Variants in KHDRBS2 observed in about 807,000 individuals in gnomAD.
KHDRBS2 encodes the protein KH domain-containing, RNA-binding, signal transduction-associated protein 2.
KHDRBS2 carries 26 observed loss-of-function variants against 44.3 expected under a neutral mutation model. That is an observed-to-expected ratio of 0.59 (90% CI 0.43 to 0.81). KHDRBS2 has a LOEUF of 0.81. Among genes scored for constraint, KHDRBS2 ranks in the 40% least tolerant of loss-of-function variants. KHDRBS2 has a pLI of 0.00. For synonymous variants in KHDRBS2, 194 were observed against 151.1 expected (o/e 1.28, Z -2.08); for missense variants, 476 against 433.1 (o/e 1.10, Z -0.88).
intron 6 of KHDRBS2, among the ~76,000 whole-genome samples, chr6:61,821,873 G>A (rs1167686268): frequency 1.3e-5 from 2 of 151,882 alleles, no homozygotes; most frequent in African/African-American, 2.4e-5. Flanking sequence ...GGTGTCTGAA[G>A]TTGTTTAAGG....
At chr6:61,754,979 A>G (rs1778274999) in intron 6 of KHDRBS2, among the ~76,000 whole-genome samples, 1 of 152,170 alleles carries the variant, frequency 6.6e-6, no homozygotes, top group Admixed American at 6.5e-5. Flanking sequence ...TTATAATAGA[A>G]TCTAGTAAAA....
intron 7 of KHDRBS2, among the ~76,000 whole-genome samples, chr6:61,731,603 T>TG (rs1330803634): frequency 3.9e-5 from 6 of 152,102 alleles, no homozygotes; most frequent in Non-Finnish European, 8.8e-5. Context: ...TTTTCTTCTT[T>TG]GCCACCTCAA....
chr6:61,550,864 C>T, the KHDRBS2 span, among the ~76,000 whole-genome samples: 1 of 150,594 alleles, frequency 6.6e-6, no homozygotes, highest in African/African-American at 2.4e-5. Context: ...CCTCCACCTC[C>T]TGGGTTCAAG....
chr6:62,239,952 T>C (rs1834332858), intron 1 of KHDRBS2, among the ~76,000 whole-genome samples: 1 of 152,158 alleles, frequency 6.6e-6, no homozygotes, highest in African/African-American at 2.4e-5. Context: ...CCCAAAGTGC[T>C]GGGATTACAG....
At chr6:61,587,113 C>T in the KHDRBS2 span, among the ~76,000 whole-genome samples, 1 of 152,200 alleles carries the variant, frequency 6.6e-6, no homozygotes, top group Non-Finnish European at 1.5e-5. Context: ...CACCAACACT[C>T]TGTGCTGCTT....
intron 6 of KHDRBS2, among the ~76,000 whole-genome samples, chr6:61,760,593 A>G (rs778437926): frequency 9.2e-5 from 14 of 151,796 alleles, no homozygotes; most frequent in South Asian, 2.1e-4. Flanking sequence ...GATCATGACA[A>G]TGCACTCCAG....
At chr6:62,134,617 G>C (rs1402371074) in intron 2 of KHDRBS2, among the ~76,000 whole-genome samples, 2 of 152,126 alleles carry the variant, frequency 1.3e-5, no homozygotes, top group Non-Finnish European at 2.9e-5. Flanking sequence ...ACCTGGAAAA[G>C]CCACAGACAC....
chr6:61,837,495 T>G (rs1452666962), intron 6 of KHDRBS2, among the ~76,000 whole-genome samples: 1 of 151,996 alleles, frequency 6.6e-6, no homozygotes, highest in Non-Finnish European at 1.5e-5. Flanking sequence ...CAAGCTTTAT[T>G]GTAAGACAAT....
chr6:61,631,078 G>T, the KHDRBS2 span, among the ~76,000 whole-genome samples: 29,424 of 151,786 alleles, frequency 0.19, 3,324 homozygotes, highest in South Asian at 0.33. Context: ...CATAAAGAAA[G>T]ATAAGAGGGA....
chr6:61,997,528 TC>T (rs1378770819), intron 3 of KHDRBS2, among the ~76,000 whole-genome samples: 2 of 152,180 alleles, frequency 1.3e-5, no homozygotes, highest in Non-Finnish European at 2.9e-5. Context: ...CCAGGTCCCT[TC>T]TCTTGCAAAT....
intron 7 of KHDRBS2, among the ~76,000 whole-genome samples, chr6:61,711,530 T>G (rs1438878429): frequency 1.3e-5 from 2 of 151,898 alleles, no homozygotes; most frequent in Non-Finnish European, 2.9e-5. Flanking sequence ...ATAGTTAATT[T>G]AGAAACAACC....
At chr6:62,057,317 G>T (rs1042417438) in intron 2 of KHDRBS2, among the ~76,000 whole-genome samples, 2 of 151,762 alleles carry the variant, frequency 1.3e-5, no homozygotes, top group East Asian at 1.9e-4. Flanking sequence ...TTCCATGAAA[G>T]ATCAGATACC....
chr6:61,853,053 C>A (rs988612484), intron 6 of KHDRBS2, among the ~76,000 whole-genome samples: 2 of 152,170 alleles, frequency 1.3e-5, no homozygotes, highest in African/African-American at 4.8e-5. Context: ...TTGGATCTTG[C>A]CCCTGAGCTC....
chr6:61,646,403 A>C, the KHDRBS2 span, among the ~76,000 whole-genome samples: 5 of 152,182 alleles, frequency 3.3e-5, no homozygotes, highest in Admixed American at 6.6e-5. Flanking sequence ...CATATTTCAC[A>C]GTATATGTCT....
In KHDRBS2 at chr6:61,925,392, G is replaced by A. The variant is rs183765478; in HGVS notation, c.484-24021C>T. Among the ~76,000 whole-genome samples the A allele has an allele frequency of 2.1e-3, 318 of 152,204 alleles. 1 individual carries two copies. Among genetic ancestry groups the A allele is most frequent in the Non-Finnish European group, 2.0e-3 (134 of 67,996 alleles). ...CCACTGGATCTCTCACAGTTCCAAA[G>A]GTAAATAAGATGTTATATTTTCATC... On this transcript the variant is annotated intron_variant, in intron 4 of 8. Coordinates refer to ENST00000281156, the MANE Select transcript of KHDRBS2 (RefSeq NM_152688.4).
the KHDRBS2 span, among the ~76,000 whole-genome samples, chr6:61,663,500 CAT>C: frequency 1.2e-3 from 43 of 35,968 alleles, 10 homozygotes; most frequent in South Asian, 9.7e-3. Flanking sequence ...CATGAGACAC[CAT>C]ATATATATAT....
At chr6:62,268,417 G>A (rs183044659) in intron 1 of KHDRBS2, among the ~76,000 whole-genome samples, 1 of 152,134 alleles carries the variant, frequency 6.6e-6, no homozygotes, top group Admixed American at 6.6e-5. Flanking sequence ...GCAATTTCAA[G>A]AAATTTATGT....
intron 4 of KHDRBS2, among the ~76,000 whole-genome samples, chr6:61,965,472 T>A (rs1156261575): frequency 6.6e-6 from 1 of 151,998 alleles, no homozygotes; most frequent in African/African-American, 2.4e-5. Context: ...TCCCTACAGT[T>A]TCTTCTTTTT....
At chr6:61,899,457 G>T (rs1415907453) in intron 5 of KHDRBS2, among the ~76,000 whole-genome samples, 1 of 151,808 alleles carries the variant, frequency 6.6e-6, no homozygotes, top group East Asian at 1.9e-4. Context: ...TATAGTATCA[G>T]ATCTGTATGT....
Sources: allele counts gnomAD v4.1 joint callset (sites outside exome capture counted in the v4.1 genomes callset), GRCh38; gene constraint gnomAD v4.1.1; transcripts MANE v1.5; gene names NCBI Gene and HGNC (gene_info 2026-07-23, HGNC 2026-07-21).